The following EPB41L4B variants were observed in gnomAD, a reference collection of about 807,000 sequenced individuals.
The protein encoded by EPB41L4B is band 4.1-like protein 4B.
A neutral mutation model predicts 112.5 loss-of-function variants in EPB41L4B; 30 were observed. That is an observed-to-expected ratio of 0.27 (90% CI 0.20 to 0.36). The LOEUF is 0.36. EPB41L4B is among the 10% of genes least tolerant of loss of function. The pLI is 1.00. For synonymous variants in EPB41L4B, 408 were observed against 439.7 expected (o/e 0.93, Z 0.90); for missense variants, 1,024 against 1,133.3 (o/e 0.90, Z 1.38).
intron 1 of EPB41L4B, among the ~76,000 whole-genome samples, chr9:109,319,849 G>C (rs2119307962): frequency 6.6e-6 from 1 of 152,258 alleles, no homozygotes; most frequent in Non-Finnish European, 1.5e-5. Flanking sequence ...CTTGGGGACC[G>C]TGTGTACTGG....
At chr9:109,194,505 G>C (rs1588126604) in intron 20 of EPB41L4B, 108 bp from the exon 21 acceptor site, 1 of 1,233,444 alleles carries the variant, frequency 8.1e-7, no homozygotes. Context: ...TGGGGATTGG[G>C]GGTTCCCAAA....
At chr9:109,223,557 C>CA (rs1433134124) in intron 15 of EPB41L4B, among the ~76,000 whole-genome samples, 3 of 152,264 alleles carry the variant, frequency 2.0e-5, no homozygotes, top group Non-Finnish European at 2.9e-5. Context: ...ATCAATGCCC[C>CA]AAAAAGCCAA....
At chr9:109,218,139 TTTTTTTG>T (rs1833448176) in intron 15 of EPB41L4B, among the ~76,000 whole-genome samples, 1 of 147,068 alleles carries the variant, frequency 6.8e-6, no homozygotes. Context: ...TTTTTTTTTT[TTTTTTTG>T]GCAGTGTCTC....
chr9:109,256,300 A>G lies in EPB41L4B; in HGVS notation c.841-76T>C, dbSNP rs549337485. On this transcript the variant is annotated intron_variant, in intron 8 of 25. Transcript: ENST00000374566. ...ACAGCAGAATGCAAAATGCAAAAACAGTTTCCTCACCACAAGTTATTTTGT... is the reference window on the plus strand; with the variant it reads ...ACAGCAGAATGCAAAATGCAAAAACGGTTTCCTCACCACAAGTTATTTTGT... 95 of 1,586,264 alleles carry G rather than the reference A, an allele frequency of 6.0e-5. No homozygotes were observed. In the African/African-American group the frequency reaches 1.3e-3, roughly 21 times the overall value.
chr9:109,284,137 A>T (rs1217306832), intron 1 of EPB41L4B, among the ~76,000 whole-genome samples: 1 of 152,146 alleles, frequency 6.6e-6, no homozygotes, highest in Non-Finnish European at 1.5e-5. Flanking sequence ...TGAACATCAC[A>T]GCTTAACCTA....
At chr9:109,289,436 G>A (rs913514567) in intron 1 of EPB41L4B, among the ~76,000 whole-genome samples, 2 of 152,154 alleles carry the variant, frequency 1.3e-5, no homozygotes, top group African/African-American at 4.8e-5. Context: ...TTCCTTGTTG[G>A]CAGCACCCTG....
At chr9:109,244,514 T>G (rs1834477307) in intron 14 of EPB41L4B, among the ~76,000 whole-genome samples, 1 of 132,242 alleles carries the variant, frequency 7.6e-6, no homozygotes, top group African/African-American at 2.9e-5. Flanking sequence ...GGCAGTATCT[T>G]GGCAACCTCT....
intron 1 of EPB41L4B, among the ~76,000 whole-genome samples, chr9:109,313,436 G>T (rs534197363): frequency 1.3e-5 from 2 of 152,202 alleles, no homozygotes; most frequent in African/African-American, 2.4e-5. Context: ...GGTGGTGGGG[G>T]GGCACACCAG....
chr9:109,231,266 G>A (rs1216285591), intron 15 of EPB41L4B, among the ~76,000 whole-genome samples: 1 of 151,382 alleles, frequency 6.6e-6, no homozygotes, highest in Non-Finnish European at 1.5e-5. Flanking sequence ...TTCAAGAAAT[G>A]TTCCAATCAA....
intron 14 of EPB41L4B, among the ~76,000 whole-genome samples, chr9:109,244,755 G>A (rs1164928893): frequency 1.3e-5 from 2 of 152,092 alleles, no homozygotes; most frequent in African/African-American, 4.8e-5. Flanking sequence ...CAGAAGTCAG[G>A]GGCTTCTCAA....
chr9:109,189,137 C>T (rs1481984085), intron 22 of EPB41L4B, among the ~76,000 whole-genome samples: 1 of 152,210 alleles, frequency 6.6e-6, no homozygotes, highest in Non-Finnish European at 1.5e-5. Context: ...CTTCCCTTCT[C>T]ACCCACGTAT....
In EPB41L4B at chr9:109,303,659, T is replaced by TTTTTC. The variant is rs199892894; in HGVS notation, c.306+16477_306+16481dup. Among the ~76,000 whole-genome samples the TTTTTC allele has an allele frequency of 6.2e-3, 944 of 151,934 alleles. 20 individuals carry two copies. In the East Asian group the frequency reaches 0.088, roughly 14 times the overall value. Reference sequence around the variant, plus strand: ...TGAGCCACCATGCCTGGCTGGGTTTTTTTTCTTTTCTTTTCTTTTCTTTTT... The same window carrying TTTTTC: ...TGAGCCACCATGCCTGGCTGGGTTTTTTTTCTTTTCTTTTCTTTTCTTTTCTTTTT... On this transcript the variant is annotated intron_variant, in intron 1 of 25. Coordinates refer to ENST00000374566, the MANE Select transcript of EPB41L4B (RefSeq NM_019114.5).
intron 18 of EPB41L4B, among the ~76,000 whole-genome samples, chr9:109,207,003 A>G (rs1833010376): frequency 6.6e-6 from 1 of 152,230 alleles, no homozygotes; most frequent in African/African-American, 2.4e-5. Context: ...CCTCAGACAT[A>G]TCAGCACCAG....
chr9:109,300,946 T>C (rs995606822), intron 1 of EPB41L4B: 9 of 152,222 alleles, frequency 5.9e-5, no homozygotes, highest in Admixed American at 5.2e-4. Flanking sequence ...ACAGGATTTC[T>C]ACCCAAATGA....
chr9:109,250,869 C>A (rs573262912), intron 13 of EPB41L4B, among the ~76,000 whole-genome samples: 1 of 152,304 alleles, frequency 6.6e-6, no homozygotes, highest in South Asian at 2.1e-4. Context: ...CAGTCACGTT[C>A]GCTCATTTAC....
intron 15 of EPB41L4B, among the ~76,000 whole-genome samples, chr9:109,231,882 G>A (rs955901641): frequency 6.6e-6 from 1 of 151,932 alleles, no homozygotes; most frequent in Non-Finnish European, 1.5e-5. Context: ...TTTTTGCTCA[G>A]AGGCTCATGA....
intron 15 of EPB41L4B, among the ~76,000 whole-genome samples, chr9:109,230,954 G>A (rs1028438917): frequency 6.6e-6 from 1 of 152,082 alleles, no homozygotes; most frequent in Non-Finnish European, 1.5e-5. Flanking sequence ...TCAGGAGTTC[G>A]AGACCAGCCT....
intron 12 of EPB41L4B, among the ~76,000 whole-genome samples, 174 bp from the exon 13 acceptor site, chr9:109,251,685 C>T (rs1834794137): frequency 6.6e-6 from 1 of 152,220 alleles, no homozygotes; most frequent in African/African-American, 2.4e-5. Context: ...TAAACTACCC[C>T]TCCCTCTGAT....
intron 1 of EPB41L4B, among the ~76,000 whole-genome samples, chr9:109,280,914 C>T (rs1836009136): frequency 6.6e-6 from 1 of 152,096 alleles, no homozygotes; most frequent in Non-Finnish European, 1.5e-5. Flanking sequence ...AACTGCAGCA[C>T]TGGGTAACCT....
Sources: allele counts gnomAD v4.1 joint callset (sites outside exome capture counted in the v4.1 genomes callset), GRCh38; gene constraint gnomAD v4.1.1; transcripts MANE v1.5; gene names NCBI Gene and HGNC (gene_info 2026-07-23, HGNC 2026-07-21).